The following SDK1 variants were observed in gnomAD, a reference collection of about 807,000 sequenced individuals.
SDK1 encodes sidekick cell adhesion molecule 1.
A neutral mutation model predicts 245.5 loss-of-function variants in SDK1; 157 were observed. The observed-to-expected ratio is 0.64, with a 90% CI of 0.56 to 0.73. The LOEUF (loss-of-function observed/expected upper bound fraction) is 0.73, where lower values mean the gene tolerates loss of function less well. SDK1 is among the 30% of genes least tolerant of loss of function. SDK1 has a pLI of 0.00. For synonymous variants in SDK1, 1,647 were observed against 1,278.5 expected, an observed-to-expected ratio of 1.29 and a Z score of -6.15; for missense variants, 3,583 against 3,002.3, an observed-to-expected ratio of 1.19 and a Z score of -4.52.
chr7:3,336,187 C>T (rs1780194773), intron 1 of SDK1, among the ~76,000 whole-genome samples: 1 of 152,174 alleles, frequency 6.6e-6, no homozygotes, highest in Non-Finnish European at 1.5e-5. Context: ...AGGAAACTGC[C>T]CTCCTCCCTT....
In SDK1 at chr7:3,685,502, A is replaced by T. The variant is rs560478405; in HGVS notation, c.713+43397A>T. On this transcript the variant is annotated intron_variant, in intron 4 of 44. Coordinates refer to ENST00000404826, the MANE Select transcript of SDK1 (RefSeq NM_152744.4). ...CAGAAATAATAGAATAAAAACCCGGACTTTAGAAAGAAAAGAATGTTGGAG... is the reference window on the plus strand; with the variant it reads ...CAGAAATAATAGAATAAAAACCCGGTCTTTAGAAAGAAAAGAATGTTGGAG... Among the ~76,000 whole-genome samples, 527 of 152,316 alleles carry T rather than the reference A, an allele frequency of 3.5e-3. 20 individuals are homozygous for T. In the East Asian group the frequency reaches 0.074, roughly 21 times the overall value.
intron 37 of SDK1, among the ~76,000 whole-genome samples, chr7:4,209,807 C>T (rs1584452310): frequency 6.6e-6 from 1 of 152,180 alleles, no homozygotes; most frequent in Non-Finnish European, 1.5e-5. Flanking sequence ...TAAACACTGT[C>T]ATTTTCTCCA....
At chr7:4,218,884 T>C (rs117002485) in intron 38 of SDK1, among the ~76,000 whole-genome samples, 1 of 151,986 alleles carries the variant, frequency 6.6e-6, no homozygotes, top group African/African-American at 2.4e-5. Flanking sequence ...TGAGAACTTA[T>C]CTAACTGTTT....
chr7:3,826,224 C>A (rs1280609337), intron 5 of SDK1, among the ~76,000 whole-genome samples: 2 of 152,182 alleles, frequency 1.3e-5, no homozygotes, highest in Admixed American at 6.5e-5. Flanking sequence ...TATGCATGAA[C>A]ACCTAGTTAC....
chr7:3,542,769 A>G (rs1165678256), intron 1 of SDK1, among the ~76,000 whole-genome samples: 3 of 152,186 alleles, frequency 2.0e-5, no homozygotes, highest in Non-Finnish European at 4.4e-5. Flanking sequence ...AAGTGCTTTT[A>G]AAGAAGGTAC....
At chr7:3,435,141 A>C (rs935344934) in intron 1 of SDK1, among the ~76,000 whole-genome samples, 1 of 150,870 alleles carries the variant, frequency 6.6e-6, no homozygotes, top group African/African-American at 2.5e-5. Flanking sequence ...TGTGATTCTT[A>C]ATAATTTTGC....
At chr7:3,917,923 G>A (rs567573727) in intron 5 of SDK1, among the ~76,000 whole-genome samples, 205 of 152,208 alleles carry the variant, frequency 1.3e-3, no homozygotes, top group South Asian at 2.9e-3. Flanking sequence ...TGGGGCTCAG[G>A]GATTTTGATC....
At chr7:4,257,835 T>C (rs556231576) in intron 44 of SDK1, among the ~76,000 whole-genome samples, 51 of 152,254 alleles carry the variant, frequency 3.3e-4, no homozygotes, top group Admixed American at 2.9e-3. Flanking sequence ...TCCAGCTGCA[T>C]TGTGAAAAAT....
intron 19 of SDK1, among the ~76,000 whole-genome samples, chr7:4,062,598 C>T (rs1197204611): frequency 6.6e-6 from 1 of 152,180 alleles, no homozygotes; most frequent in East Asian, 1.9e-4. Flanking sequence ...TTCTTTCTAA[C>T]TCATTTTATG....
chr7:3,323,233 T>C (rs1779861660), intron 1 of SDK1, among the ~76,000 whole-genome samples: 1 of 152,180 alleles, frequency 6.6e-6, no homozygotes, highest in Admixed American at 6.5e-5. Context: ...GTCTGTGAAC[T>C]TCAAAAGACG....
chr7:3,681,619 T>C (rs913300986), intron 4 of SDK1, among the ~76,000 whole-genome samples: 3 of 152,264 alleles, frequency 2.0e-5, no homozygotes, highest in African/African-American at 7.2e-5. Context: ...GTGTATATTA[T>C]GTGTCTCCCA....
intron 40 of SDK1, among the ~76,000 whole-genome samples, chr7:4,223,199 T>A (rs1785239918): frequency 6.6e-6 from 1 of 151,934 alleles, no homozygotes; most frequent in African/African-American, 2.4e-5. Flanking sequence ...ACAAATAGGA[T>A]CCAGGCGTTC....
intron 1 of SDK1, among the ~76,000 whole-genome samples, chr7:3,534,363 T>C (rs1778808138): frequency 6.6e-6 from 1 of 152,216 alleles, no homozygotes. Flanking sequence ...GGAGTACAGA[T>C]GTCTCTTTGA....
chr7:4,035,625 T>C (rs1788152742), intron 17 of SDK1, among the ~76,000 whole-genome samples: 6 of 152,222 alleles, frequency 3.9e-5, no homozygotes, highest in Admixed American at 2.6e-4. Context: ...CAGTCTTAAC[T>C]TTAAGTCTGA....
chr7:4,049,306 C>T, intron 17 of SDK1, 42 bp from the exon 18 acceptor site: 1 of 1,498,056 alleles, frequency 6.7e-7, no homozygotes, highest in Non-Finnish European at 9.3e-7. Flanking sequence ...ATGGTCCCTC[C>T]TGCCATTTGT....
At chr7:3,548,038 G>A (rs1039934455) in intron 1 of SDK1, among the ~76,000 whole-genome samples, 1 of 152,144 alleles carries the variant, frequency 6.6e-6, no homozygotes, top group African/African-American at 2.4e-5. Flanking sequence ...ATAAATCCAA[G>A]AATTTGTCTC....
intron 14 of SDK1, among the ~76,000 whole-genome samples, chr7:3,990,291 C>T (rs896537184): frequency 2.0e-5 from 3 of 152,214 alleles, no homozygotes; most frequent in African/African-American, 7.2e-5. Flanking sequence ...CTTGCAGGGG[C>T]ATCTCTGAGG....
At chr7:3,627,368 C>G (rs2128646913) in intron 2 of SDK1, among the ~76,000 whole-genome samples, 1 of 152,298 alleles carries the variant, frequency 6.6e-6, no homozygotes, top group East Asian at 1.9e-4. Context: ...CAATGAGTCC[C>G]TGATCTGGGA....
chr7:3,776,067 C>G (rs12333365), intron 4 of SDK1, among the ~76,000 whole-genome samples: 1 of 152,198 alleles, frequency 6.6e-6, no homozygotes, highest in Non-Finnish European at 1.5e-5. Context: ...TCACCTACCA[C>G]GCATCAAAGT....
Sources: allele counts gnomAD v4.1 joint callset (sites outside exome capture counted in the v4.1 genomes callset), GRCh38; gene constraint gnomAD v4.1.1; transcripts MANE v1.5; gene names NCBI Gene and HGNC (gene_info 2026-07-23, HGNC 2026-07-21).